The following GPC5 variants were observed in gnomAD, a reference collection of about 807,000 sequenced individuals.
GPC5 encodes the protein glypican-5.
A neutral mutation model predicts 53.9 loss-of-function variants in GPC5; 47 were observed. The observed-to-expected ratio is 0.87, with a 90% CI of 0.69 to 1.11. The LOEUF is 1.11. Among genes scored for constraint, GPC5 ranks in the 50% most tolerant of loss-of-function variants. GPC5 has a pLI of 0.00. For missense variants in GPC5, 748 were observed against 713.1 expected (o/e 1.05, Z -0.56); for synonymous variants, 286 against 263.3 (o/e 1.09, Z -0.84).
chr13:92,411,165 G>A (rs921292103), intron 7 of GPC5, among the ~76,000 whole-genome samples: 2 of 152,178 alleles, frequency 1.3e-5, no homozygotes, highest in Non-Finnish European at 2.9e-5. Flanking sequence ...AGCTACTCGG[G>A]AGGCTGAGGC....
chr13:92,299,888 A>G (rs1392107303), intron 7 of GPC5, among the ~76,000 whole-genome samples: 3 of 152,200 alleles, frequency 2.0e-5, no homozygotes, highest in Non-Finnish European at 1.5e-5. Context: ...TCATTTTTAC[A>G]ATATGCAAAT....
intron 6 of GPC5, among the ~76,000 whole-genome samples, chr13:91,966,754 A>C (rs540225384): frequency 6.6e-6 from 1 of 152,190 alleles, no homozygotes; most frequent in Admixed American, 6.5e-5. Context: ...GTAAGTCATA[A>C]AAGGCCTGAT....
intron 2 of GPC5, among the ~76,000 whole-genome samples, chr13:91,450,401 A>G (rs1894445798): frequency 6.6e-6 from 1 of 152,208 alleles, no homozygotes. Flanking sequence ...CAGTGGATAT[A>G]TCAGTCTGAG....
At chr13:92,610,097 A>G (rs1354820554) in intron 7 of GPC5, among the ~76,000 whole-genome samples, 1 of 151,154 alleles carries the variant, frequency 6.6e-6, no homozygotes, top group Non-Finnish European at 1.5e-5. Flanking sequence ...CTTAAAGTTG[A>G]ACTTTGTGTT....
intron 2 of GPC5, among the ~76,000 whole-genome samples, chr13:91,488,417 C>T (rs753212531): frequency 3.9e-5 from 6 of 152,084 alleles, no homozygotes; most frequent in Admixed American, 1.3e-4. Context: ...TCCTATGTTG[C>T]GGAAAGTCAG....
At chr13:91,888,986 C>T (rs569656024) in intron 5 of GPC5, among the ~76,000 whole-genome samples, 9 of 152,082 alleles carry the variant, frequency 5.9e-5, no homozygotes, top group Admixed American at 2.0e-4. Context: ...AGACCTGGGC[C>T]GCTGGAGTTA....
intron 6 of GPC5, among the ~76,000 whole-genome samples, chr13:91,997,187 G>T (rs2040511435): frequency 6.6e-6 from 1 of 152,052 alleles, no homozygotes; most frequent in African/African-American, 2.4e-5. Context: ...ATATATGATG[G>T]TTCTGTTTTG....
intron 2 of GPC5, among the ~76,000 whole-genome samples, chr13:91,493,897 CAG>C (rs1469464300): frequency 3.3e-5 from 5 of 151,780 alleles, no homozygotes; most frequent in Non-Finnish European, 7.4e-5. Context: ...TTATTTAAGA[CAG>C]AGTCTCACTC....
At chr13:91,856,673 C>A (rs979263567) in intron 5 of GPC5, among the ~76,000 whole-genome samples, 3 of 151,438 alleles carry the variant, frequency 2.0e-5, no homozygotes, top group Admixed American at 6.6e-5. Context: ...GATTTCTTTA[C>A]ATACTCAAGC....
chr13:91,607,857 A>G (rs1253671606), intron 2 of GPC5, among the ~76,000 whole-genome samples: 1 of 152,206 alleles, frequency 6.6e-6, no homozygotes, highest in African/African-American at 2.4e-5. Context: ...AGGTGGAAGA[A>G]GTAGTGAGGT....
At chr13:91,487,180 G>T (rs796295464) in intron 2 of GPC5, among the ~76,000 whole-genome samples, 1 of 152,112 alleles carries the variant, frequency 6.6e-6, no homozygotes, top group African/African-American at 2.4e-5. Context: ...TGCACAAGGG[G>T]TGGAGATGGG....
At chr13:91,785,719 TTTAA>T in intron 5 of GPC5, among the ~76,000 whole-genome samples, 1 of 152,344 alleles carries the variant, frequency 6.6e-6, no homozygotes, top group South Asian at 2.1e-4. Context: ...AAATCTTGTC[TTTAA>T]TCTTGACTTT....
At chr13:92,815,537 A>ATT (rs151296072) in intron 7 of GPC5, among the ~76,000 whole-genome samples, 1 of 151,468 alleles carries the variant, frequency 6.6e-6, no homozygotes, top group South Asian at 2.1e-4. Flanking sequence ...TGACTCTGTG[A>ATT]TTTTTTTTTC....
At chr13:91,466,052 G>T in intron 2 of GPC5, among the ~76,000 whole-genome samples, 1 of 152,142 alleles carries the variant, frequency 6.6e-6, no homozygotes, top group East Asian at 1.9e-4. Context: ...ACTTAAGGGT[G>T]TATGTCCACT....
intron 7 of GPC5, among the ~76,000 whole-genome samples, chr13:92,347,914 T>TATATATATA (rs2043438419): frequency 2.4e-3 from 6 of 2,550 alleles, no homozygotes; most frequent in African/African-American, 0.021. Flanking sequence ...ATATATATAA[T>TATATATATA]ATATATATAT....
At chr13:91,528,974 G>A (rs772214249) in intron 2 of GPC5, among the ~76,000 whole-genome samples, 7 of 152,152 alleles carry the variant, frequency 4.6e-5, no homozygotes, top group African/African-American at 9.7e-5. Context: ...CCCTCCACAC[G>A]TCAGTATTAC....
At chr13:91,857,201 T>C (rs905149773) in intron 5 of GPC5, among the ~76,000 whole-genome samples, 2 of 151,434 alleles carry the variant, frequency 1.3e-5, no homozygotes, top group Admixed American at 1.3e-4. Flanking sequence ...TGCTTCATCA[T>C]GATTTTTATC....
intron 7 of GPC5, among the ~76,000 whole-genome samples, chr13:92,667,360 G>A (rs1431706240): frequency 6.6e-6 from 1 of 152,054 alleles, no homozygotes; most frequent in African/African-American, 2.4e-5. Flanking sequence ...ATGGAAAAGA[G>A]GCCACAGTTT....
chr13:91,597,186 A>G (rs568094800), intron 2 of GPC5, among the ~76,000 whole-genome samples: 33 of 152,216 alleles, frequency 2.2e-4, no homozygotes, highest in Non-Finnish European at 1.9e-4. Context: ...ATTGGTTCCC[A>G]TATTTTGTTA....
Sources: gnomAD v4.1 joint callset for allele counts (sites outside exome capture counted in the v4.1 genomes callset) on GRCh38, gnomAD v4.1.1 for gene constraint, MANE v1.5 for transcripts, NCBI Gene and HGNC (gene_info 2026-07-23, HGNC 2026-07-21) for gene names.